ARIH1: variants seen among roughly 807,000 people sequenced by gnomAD.
ARIH1 encodes ariadne RBR E3 ubiquitin protein ligase 1.
A neutral mutation model predicts 85.0 loss-of-function variants in ARIH1; 8 were observed. The ratio of observed to expected loss-of-function variants is 0.09; its 90% CI spans 0.06 to 0.17. The LOEUF (loss-of-function observed/expected upper bound fraction) is 0.17, where lower values mean the gene tolerates loss of function less well. Among genes scored for constraint, ARIH1 ranks in the 10% least tolerant of loss-of-function variants. The pLI is 1.00. For synonymous variants in ARIH1, 238 were observed against 253.6 expected, an observed-to-expected ratio of 0.94 and a Z score of 0.59; for missense variants, 311 against 718.1, an observed-to-expected ratio of 0.43 and a Z score of 6.48.
chr15:72,594,439 A>G lies in ARIH1; in HGVS notation c.*11147A>G, dbSNP rs979907940. 1 of 152,152 alleles carries G rather than the reference A, an allele frequency of 6.6e-6. No homozygotes were observed. Among genetic ancestry groups the G allele is most frequent in the South Asian group, 2.1e-4 (1 of 4,834 alleles). The allele number at this position is 152,152 out of a possible 1,614,324, so 9.4% of individuals were successfully genotyped here. A position where few individuals can be genotyped will look rare whatever the true frequency, so the allele number is the denominator to read the frequency against. The stretch of plus-strand genomic sequence containing the variant: ...CACCTTGGCCTCCCAAAGTGCTGCC[A>G]TTACAGGCGTGAGCCACCGCGCCTG... On this transcript the variant is annotated 3_prime_UTR_variant, in exon 14 of 14. Coordinates refer to ENST00000379887, the MANE Select transcript of ARIH1 (RefSeq NM_005744.5).
chr15:72,474,554 C>G lies in ARIH1; in HGVS notation c.-86C>G. 2 of 1,438,576 alleles carry G rather than the reference C, an allele frequency of 1.4e-6. No homozygotes were observed. The highest frequency in any genetic ancestry group is 1.3e-5 in the South Asian group (1 of 74,646). The allele number at this position is 1,438,576 out of a possible 1,614,324, so 89.1% of individuals were successfully genotyped here. Reference sequence around the variant, plus strand: ...GCCAGGCCTGCGTCCGGACATCAGCCGGAGCCGGAGCGAGAGCCGGGGCCT... The same window carrying G: ...GCCAGGCCTGCGTCCGGACATCAGCGGGAGCCGGAGCGAGAGCCGGGGCCT... On this transcript the variant is annotated 5_prime_UTR_variant, in exon 1 of 14. Coordinates refer to ENST00000379887, the MANE Select transcript of ARIH1 (RefSeq NM_005744.5).
At chr15:72,538,957 A>G (rs143251661) in intron 2 of ARIH1, among the ~76,000 whole-genome samples, 1 of 152,322 alleles carries the variant, frequency 6.6e-6, no homozygotes, top group Non-Finnish European at 1.5e-5. Flanking sequence ...CCCTTTCTTC[A>G]CTAAGGAAAG....
intron 1 of ARIH1, among the ~76,000 whole-genome samples, chr15:72,496,423 T>C (rs2063880673): frequency 6.6e-6 from 1 of 152,178 alleles, no homozygotes; most frequent in Admixed American, 6.5e-5. Context: ...CTTGCAATAA[T>C]TGCCATTTTA....
chr15:72,561,597 T>G, intron 6 of ARIH1, 48 bp downstream of exon 6: 1 of 1,064,740 alleles, frequency 9.4e-7, no homozygotes, highest in Non-Finnish European at 1.4e-6. Context: ...TGTTTATTAA[T>G]AGAAATACTA....
chr15:72,593,740 A>T lies in ARIH1; in HGVS notation c.*10448A>T, dbSNP rs189040304. ...TTCTAGTAAGTCTTTAAATTAGTAAATCCTTCCTTTTTGTTATTTTTCAAG... is the reference window on the plus strand; with the variant it reads ...TTCTAGTAAGTCTTTAAATTAGTAATTCCTTCCTTTTTGTTATTTTTCAAG... On this transcript the variant is annotated 3_prime_UTR_variant, in exon 14 of 14. Coordinates refer to ENST00000379887, the MANE Select transcript of ARIH1 (RefSeq NM_005744.5). 7.6e-4 allele frequency: 115 copies of T among 152,174 alleles called. No homozygotes were observed. The highest frequency in any genetic ancestry group is 2.6e-3 in the African/African-American group (107 of 41,522). 9.4% of individuals were successfully genotyped at this position (152,174 alleles called of 1,614,324 possible).
chr15:72,538,357 C>G (rs931049856), intron 2 of ARIH1, among the ~76,000 whole-genome samples: 1 of 152,106 alleles, frequency 6.6e-6, no homozygotes, highest in Non-Finnish European at 1.5e-5. Flanking sequence ...TTGTCTCCCT[C>G]TCCCCCGCAA....
chr15:72,579,265 A>T (rs150712599), intron 11 of ARIH1, among the ~76,000 whole-genome samples: 1 of 151,556 alleles, frequency 6.6e-6, no homozygotes, highest in African/African-American at 2.4e-5. Context: ...CACATTATGG[A>T]TTTTGCTGGT....
intron 1 of ARIH1, among the ~76,000 whole-genome samples, chr15:72,490,026 G>A (rs2063852726): frequency 6.6e-6 from 1 of 151,992 alleles, no homozygotes; most frequent in Non-Finnish European, 1.5e-5. Context: ...ATGGAAAAGA[G>A]GCCTTTGTAG....
chr15:72,479,203 T>A (rs1240873912), intron 1 of ARIH1, among the ~76,000 whole-genome samples: 4 of 152,168 alleles, frequency 2.6e-5, no homozygotes, highest in South Asian at 2.1e-4. Flanking sequence ...AGATTAGGGA[T>A]GTTGATTGTA....
intron 1 of ARIH1, among the ~76,000 whole-genome samples, chr15:72,488,438 G>A (rs2063846047): frequency 6.6e-6 from 1 of 152,174 alleles, no homozygotes; most frequent in East Asian, 1.9e-4. Flanking sequence ...TGGCTGCGGT[G>A]GCTCATCTCC....
intron 3 of ARIH1, among the ~76,000 whole-genome samples, chr15:72,548,863 A>C (rs999231611): frequency 6.6e-6 from 1 of 152,184 alleles, no homozygotes; most frequent in Non-Finnish European, 1.5e-5. Flanking sequence ...GCAGTGTCAC[A>C]TGCACATTTT....
At chr15:72,523,272 A>C (rs2064008950) in intron 2 of ARIH1, among the ~76,000 whole-genome samples, 1 of 152,240 alleles carries the variant, frequency 6.6e-6, no homozygotes, top group Admixed American at 6.5e-5. Context: ...AGGATGAGTA[A>C]ACTGTGGTAC....
At chr15:72,487,384 G>T (rs888940285) in intron 1 of ARIH1, among the ~76,000 whole-genome samples, 1 of 152,202 alleles carries the variant, frequency 6.6e-6, no homozygotes, top group African/African-American at 2.4e-5. Flanking sequence ...AATCACAATT[G>T]TACAGTGTTT....
intron 1 of ARIH1, among the ~76,000 whole-genome samples, chr15:72,501,415 A>G (rs1262897094): frequency 6.6e-6 from 1 of 152,210 alleles, no homozygotes; most frequent in Non-Finnish European, 1.5e-5. Flanking sequence ...GATGAGTAAG[A>G]AGCAGTGAAT....
Position 72,555,266 on chromosome 15 carries a change from TAC to T in ARIH1, c.589-3_589-2del. The T allele has an allele frequency of 1.2e-6, 2 of 1,606,618 alleles. No individual in the cohort carries two copies. Among genetic ancestry groups the T allele is most frequent in the Middle Eastern group, 1.7e-4 (1 of 6,050 alleles). ...TGTTAAGTTCATGTTTTGTTTTTCTTACAGTATTTCACTGGCCTTGAATGTGG... is the reference window on the plus strand; with the variant it reads ...TGTTAAGTTCATGTTTTGTTTTTCTTAGTATTTCACTGGCCTTGAATGTGG... On this transcript the variant is annotated splice_region_variant and splice_polypyrimidine_tract_variant and intron_variant, in intron 3 of 13. Coordinates refer to ENST00000379887, the MANE Select transcript of ARIH1 (RefSeq NM_005744.5).
At chr15:72,524,225 G>A (rs886841966) in intron 2 of ARIH1, among the ~76,000 whole-genome samples, 39 of 144,742 alleles carry the variant, frequency 2.7e-4, no homozygotes, top group African/African-American at 9.8e-4. Context: ...GGGATTACAG[G>A]TGTGAGCCAC....
intron 1 of ARIH1, among the ~76,000 whole-genome samples, chr15:72,492,697 A>G (rs1012065896): frequency 6.6e-6 from 1 of 152,164 alleles, no homozygotes; most frequent in Non-Finnish European, 1.5e-5. Context: ...TCTGTTTTTA[A>G]TAATCATCTC....
chr15:72,498,961 ATTTTTTTTT>A (rs535261674), intron 1 of ARIH1, among the ~76,000 whole-genome samples: 9 of 88,430 alleles, frequency 1.0e-4, no homozygotes, highest in African/African-American at 2.3e-4. Context: ...CTTTTCATAA[ATTTTTTTTT>A]TTTTTTTTTT....
In ARIH1 at chr15:72,593,642, A is replaced by G. The variant is rs1232768590; in HGVS notation, c.*10350A>G. On this transcript the variant is annotated 3_prime_UTR_variant, in exon 14 of 14. Transcript: ENST00000379887. ...ATTGATCACGTGTGTGTGTATTTCT[A>G]CATTTTCTGTTCTGTTCCATTAATC... 3 of 152,312 alleles carry G rather than the reference A, an allele frequency of 2.0e-5. No individual in the cohort carries two copies. Among genetic ancestry groups the G allele is most frequent in the East Asian group, 1.9e-4 (1 of 5,194 alleles). The allele number at this position is 152,312 out of a possible 1,614,324, so 9.4% of individuals were successfully genotyped here.
Sources: gnomAD v4.1 joint callset for allele counts (sites outside exome capture counted in the v4.1 genomes callset) on GRCh38, gnomAD v4.1.1 for gene constraint, MANE v1.5 for transcripts, NCBI Gene and HGNC (gene_info 2026-07-23, HGNC 2026-07-21) for gene names.